Variants in DERA observed in about 807,000 individuals in gnomAD.
DERA encodes the protein deoxyribose-phosphate aldolase.
A neutral mutation model predicts 41.1 loss-of-function variants in DERA; 15 were observed. The observed-to-expected ratio is 0.37, with a 90% confidence interval of 0.24 to 0.56. The LOEUF (loss-of-function observed/expected upper bound fraction) is 0.56. DERA is among the 20% of genes least tolerant of loss of function. The pLI, the probability that DERA is intolerant of heterozygous loss-of-function variation, is 0.81. For missense variants in DERA, 396 were observed against 403.4 expected, an observed-to-expected ratio of 0.98 and a Z score of 0.16; for synonymous variants, 139 against 137.4, an observed-to-expected ratio of 1.01 and a Z score of -0.08.
At chr12:15,960,651 A>AC (rs1948580006) in intron 4 of DERA, among the ~76,000 whole-genome samples, 1 of 151,110 alleles carries the variant, frequency 6.6e-6, no homozygotes, top group South Asian at 2.1e-4. Flanking sequence ...AAAAAAAAAA[A>AC]AAAAAAAAAA....
rs138730919 is a variant in DERA, at chr12:15,948,719, C to T, written c.32-8217C>T. On this transcript the variant is annotated intron_variant, in intron 1 of 8. Transcript: ENST00000428559. ...CAACTCGTCAAAGTCATTCTCTGTC[C>T]AGCTTTGTTCTGTTGCTGGCGAGAA... 3.5e-3 allele frequency among the ~76,000 whole-genome samples: 533 copies of T among 152,290 alleles called. 3 individuals carry two copies. Among genetic ancestry groups the T allele is most frequent in the African/African-American group, 0.012 (508 of 41,554 alleles).
intron 1 of DERA, among the ~76,000 whole-genome samples, chr12:15,949,775 C>T (rs1363178318): frequency 2.0e-5 from 3 of 152,168 alleles, no homozygotes; most frequent in Admixed American, 6.5e-5. Context: ...AGAAATCACC[C>T]GTCTTCTGCG....
In DERA at chr12:15,918,282, T is replaced by G. The variant is rs1160057194; in HGVS notation, c.31+6868T>G. Among the ~76,000 whole-genome samples the G allele has an allele frequency of 3.3e-5, 5 of 152,308 alleles. No individual in the cohort carries two copies. In the East Asian group the frequency reaches 5.8e-4, roughly 18 times the overall value. The stretch of plus-strand genomic sequence containing the variant: ...CTTAGTGTGGGGCTGTGGACCTCTG[T>G]GCCCGGCCGCCTCGCCTCCCTCTGC... On this transcript the variant is annotated intron_variant, in intron 1 of 8. Transcript: ENST00000428559. The surrounding 1 kb of genome is among the most constrained non-coding windows in gnomAD (Gnocchi z 4.3).
At position 15,943,928 on chromosome 12, in the gene DERA, T is replaced by C. The variant is rs1172654061; in HGVS notation, c.32-13008T>C. Among the ~76,000 whole-genome samples, 7 of 134,150 alleles carry C rather than the reference T, an allele frequency of 5.2e-5. No individual in the cohort carries two copies. In the South Asian group the frequency reaches 1.8e-3, roughly 35 times the overall value. The allele number at this position is 134,150 out of a possible 152,430, so 88.0% of individuals were successfully genotyped here. A position where few individuals can be genotyped will look rare whatever the true frequency, so the allele number is the denominator to read the frequency against. On this transcript the variant is annotated intron_variant, in intron 1 of 8. Transcript: ENST00000428559. The surrounding 1 kb of genome is among the most constrained non-coding windows in gnomAD (Gnocchi z 4.5). ...GGTGTGTGATGTTCCCCTTCCTGTG[T>C]CCAAGTGTTCTCATTGTTCAATTCC...
rs1172168887 is a variant in DERA at position 16,004,567 on chromosome 12, T to C, written c.637+22131T>C. On this transcript the variant is annotated intron_variant, in intron 6 of 8. Coordinates refer to ENST00000428559, the MANE Select transcript of DERA (RefSeq NM_015954.4). This position sits in a 1 kb window ranked among gnomAD's most constrained non-coding sequence, Gnocchi z 4.2. Reference sequence around the variant, plus strand: ...CTGACAGAGGAAGAAAGAAAAGGACTAACCACCTTTCTAAATGTTTAATAG... The same window carrying C: ...CTGACAGAGGAAGAAAGAAAAGGACCAACCACCTTTCTAAATGTTTAATAG... 6.6e-6 allele frequency among the ~76,000 whole-genome samples: 1 copy of C among 152,192 alleles called. No individual in the cohort carries two copies. The highest frequency in any genetic ancestry group is 1.9e-4 in the East Asian group (1 of 5,208).
At chr12:15,944,906 C>T (rs371820237) in intron 1 of DERA, among the ~76,000 whole-genome samples, 4 of 152,028 alleles carry the variant, frequency 2.6e-5, no homozygotes, top group Non-Finnish European at 4.4e-5. Context: ...TAATTTTTGT[C>T]TAAGGTGTAA....
chr12:15,914,046 C>T (rs1293714990), intron 1 of DERA, among the ~76,000 whole-genome samples: 1 of 152,034 alleles, frequency 6.6e-6, no homozygotes, highest in Non-Finnish European at 1.5e-5. Flanking sequence ...CTGATGTGTC[C>T]CAAGTACCTA....
At position 15,965,080 on chromosome 12, in the gene DERA, T is replaced by G. The variant is rs1353176159; in HGVS notation, c.508+2133T>G. 3.9e-5 allele frequency among the ~76,000 whole-genome samples: 6 copies of G among 152,322 alleles called. No homozygotes were observed. The South Asian group carries it at 1.0e-3, about 26-fold the overall frequency. ...GACTTAGGACTTTTTGCTGCAATAT[T>G]TTGTCTTAATTTTGATTCTCAATTT... is the stretch of plus-strand genomic sequence containing the variant. On this transcript the variant is annotated intron_variant, in intron 5 of 8. Coordinates refer to ENST00000428559, the MANE Select transcript of DERA (RefSeq NM_015954.4). The surrounding 1 kb of genome is among the most constrained non-coding windows in gnomAD (Gnocchi z 4.1).
At chr12:16,018,027 A>G (rs950713542) in intron 6 of DERA, among the ~76,000 whole-genome samples, 2 of 152,182 alleles carry the variant, frequency 1.3e-5, no homozygotes, top group Non-Finnish European at 2.9e-5. Flanking sequence ...TTAAGATCTT[A>G]CTAGTAACTT....
rs138699062 is a variant in DERA, at chr12:15,999,790, C to T, written c.637+17354C>T. 5.9e-3 allele frequency among the ~76,000 whole-genome samples: 895 copies of T among 152,148 alleles called. 2 individuals are homozygous for T. The highest frequency in any genetic ancestry group is 0.01 in the Non-Finnish European group (684 of 68,012). On this transcript the variant is annotated intron_variant, in intron 6 of 8. Transcript: ENST00000428559. This position sits in a 1 kb window ranked among gnomAD's most constrained non-coding sequence, Gnocchi z 5.3. Reference sequence around the variant, plus strand: ...TCATTCATTCATTCATTTATTCAGTCGTTAGGATTTATTGGAAGTTTGCTG... The same window carrying T: ...TCATTCATTCATTCATTTATTCAGTTGTTAGGATTTATTGGAAGTTTGCTG...
At position 15,941,040 on chromosome 12, in the gene DERA, T is replaced by C. The variant is rs536810334; in HGVS notation, c.32-15896T>C. 2.0e-5 allele frequency among the ~76,000 whole-genome samples: 3 copies of C among 152,224 alleles called. No homozygotes were observed. Among genetic ancestry groups the C allele is most frequent in the Non-Finnish European group, 4.4e-5 (3 of 68,040 alleles). ...CTTTTTGTGAGGTCATTGTAACTGA[T>C]AGTTTTTGTTGTTGTTGTAGAATTA... On this transcript the variant is annotated intron_variant, in intron 1 of 8. Transcript: ENST00000428559. The surrounding 1 kb of genome is among the most constrained non-coding windows in gnomAD (Gnocchi z 4.5).
At chr12:15,947,879 C>T (rs945253480) in intron 1 of DERA, among the ~76,000 whole-genome samples, 8 of 152,276 alleles carry the variant, frequency 5.3e-5, no homozygotes, top group African/African-American at 1.9e-4. Flanking sequence ...GTGCTTCCTT[C>T]AGGAGCTCTT....
In DERA at chr12:16,001,432, C is replaced by T. The variant is rs1033058999; in HGVS notation, c.637+18996C>T. Reference sequence around the variant, plus strand: ...GAGTGGAAAAGTTCAGTGTTTTATTCGAGACAATTGACTCAGAGAAAAGAA... The same window carrying T: ...GAGTGGAAAAGTTCAGTGTTTTATTTGAGACAATTGACTCAGAGAAAAGAA... On this transcript the variant is annotated intron_variant, in intron 6 of 8. Coordinates refer to ENST00000428559, the MANE Select transcript of DERA (RefSeq NM_015954.4). The surrounding 1 kb of genome is among the most constrained non-coding windows in gnomAD (Gnocchi z 4.1). Among the ~76,000 whole-genome samples, 43 of 152,036 alleles carry T rather than the reference C, an allele frequency of 2.8e-4. No individual in the cohort carries two copies. The highest frequency in any genetic ancestry group is 9.9e-4 in the African/African-American group (41 of 41,388).
chr12:16,005,676 C>T (rs1409796282), intron 6 of DERA, among the ~76,000 whole-genome samples: 1 of 152,154 alleles, frequency 6.6e-6, no homozygotes, highest in Non-Finnish European at 1.5e-5. Context: ...AGAAAAGACC[C>T]TGCAAGTTTA....
chr12:15,960,212 A>ACACG (rs1043372907), intron 4 of DERA, among the ~76,000 whole-genome samples: 4 of 150,522 alleles, frequency 2.7e-5, no homozygotes, highest in Non-Finnish European at 5.9e-5. Context: ...ATATATACAC[A>ACACG]CACACACACA....
At position 16,008,579 on chromosome 12, in the gene DERA, T is replaced by C. The variant is rs1202070623; in HGVS notation, c.638-23963T>C. 2.0e-5 allele frequency among the ~76,000 whole-genome samples: 3 copies of C among 152,304 alleles called. No homozygotes were observed. The East Asian group carries it at 5.8e-4, about 29-fold the overall frequency. ...AGGTCAGCAGAGTGAAAGTAAACAG[T>C]CCAGGGTCTGTGCTAGGATTGAGTG... On this transcript the variant is annotated intron_variant, in intron 6 of 8. Transcript: ENST00000428559. The surrounding 1 kb of genome is among the most constrained non-coding windows in gnomAD (Gnocchi z 4.8).
intron 6 of DERA, among the ~76,000 whole-genome samples, chr12:15,986,122 C>G (rs1032588963): frequency 2.6e-5 from 4 of 152,058 alleles, no homozygotes; most frequent in African/African-American, 9.7e-5. Flanking sequence ...TGATACTAGT[C>G]CTTGTCTGAA....
In DERA at chr12:16,036,844, G is replaced by A; in HGVS notation, c.*98G>A. 1 of 872,176 alleles carries A rather than the reference G, an allele frequency of 1.1e-6. No homozygotes were observed. 54.0% of individuals were successfully genotyped at this position (872,176 alleles called of 1,614,324 possible). On this transcript the variant is annotated 3_prime_UTR_variant, in exon 9 of 9. Transcript: ENST00000428559. This position sits in a 1 kb window ranked among gnomAD's most constrained non-coding sequence, Gnocchi z 4.9. ...TATTTAATTAAAAAATTGGGCAGTAGGTAACTGGCATTCCTCTCTTTAAAA... is the reference window on the plus strand; with the variant it reads ...TATTTAATTAAAAAATTGGGCAGTAAGTAACTGGCATTCCTCTCTTTAAAA...
intron 1 of DERA, among the ~76,000 whole-genome samples, chr12:15,942,739 A>G (rs1199172132): frequency 6.6e-6 from 1 of 152,166 alleles, no homozygotes; most frequent in Non-Finnish European, 1.5e-5. Context: ...TTAGAGTGAA[A>G]CACTTGGTAA....
Sources: allele counts gnomAD v4.1 joint callset (sites outside exome capture counted in the v4.1 genomes callset), GRCh38; gene constraint gnomAD v4.1.1; non-coding constraint Gnocchi (gnomAD v3.1); transcripts MANE v1.5; gene names NCBI Gene and HGNC (gene_info 2026-07-23, HGNC 2026-07-21).